Variants in ZC3H15 observed in about 807,000 individuals in gnomAD.
ZC3H15 encodes zinc finger CCCH-type containing 15, also known as zinc finger CCCH domain-containing protein 15.
In ZC3H15, 15 loss-of-function variants were observed where a neutral mutation model predicts 51.2. The ratio of observed to expected loss-of-function variants is 0.29; its 90% CI spans 0.20 to 0.45. The LOEUF (loss-of-function observed/expected upper bound fraction) is 0.45. ZC3H15 is among the 20% of genes least tolerant of loss of function. The probability of loss-of-function intolerance (pLI) is 1.00; values close to 1 mark genes in which losing one functional copy is unlikely to be tolerated. For synonymous variants in ZC3H15, 144 were observed against 162.8 expected (o/e 0.88, Z 0.88); for missense variants, 381 against 494.7 (o/e 0.77, Z 2.18).
chr2:186,492,845 T>G (rs1685222043), intron 1 of ZC3H15, among the ~76,000 whole-genome samples: 1 of 152,208 alleles, frequency 6.6e-6, no homozygotes, highest in Admixed American at 6.5e-5. Context: ...GGCCACTTGT[T>G]TCATACTAAA....
At chr2:186,500,026 A>G (rs936896512) in intron 2 of ZC3H15, among the ~76,000 whole-genome samples, 156 bp from the exon 3 acceptor site, 1 of 152,248 alleles carries the variant, frequency 6.6e-6, no homozygotes, top group Admixed American at 6.5e-5. Flanking sequence ...TAGTTTAACC[A>G]CAACATTGAA....
chr2:186,502,109 G>A (rs1017825705), intron 4 of ZC3H15, among the ~76,000 whole-genome samples: 1 of 152,050 alleles, frequency 6.6e-6, no homozygotes, highest in Non-Finnish European at 1.5e-5. Flanking sequence ...AGCACTTTGG[G>A]AGGCCAAGGC....
At chr2:186,500,352 A>G (rs1685360508) in intron 3 of ZC3H15, 59 bp downstream of exon 3, 7 of 1,310,500 alleles carry the variant, frequency 5.3e-6, no homozygotes, top group African/African-American at 4.5e-5. Context: ...GCTAAAAACT[A>G]TTTATTTTGA....
intron 8 of ZC3H15, 78 bp downstream of exon 8, chr2:186,505,919 C>A: frequency 6.9e-7 from 1 of 1,446,452 alleles, no homozygotes; most frequent in Non-Finnish European, 9.6e-7. Context: ...TGGTTAAGAG[C>A]CACCAACATC....
intron 1 of ZC3H15, among the ~76,000 whole-genome samples, chr2:186,492,999 A>G (rs1685223388): frequency 6.6e-6 from 1 of 152,160 alleles, no homozygotes; most frequent in Non-Finnish European, 1.5e-5. Flanking sequence ...GGACCTCAGC[A>G]TATGAAGATT....
At chr2:186,499,139 C>T (rs958853603) in intron 2 of ZC3H15, among the ~76,000 whole-genome samples, 3 of 152,200 alleles carry the variant, frequency 2.0e-5, no homozygotes, top group Non-Finnish European at 4.4e-5. Context: ...CTCCTTTTCT[C>T]CATCCTTACC....
rs763942392 is a variant in ZC3H15 at position 186,505,588 on chromosome 2, A to G, written c.855A>G (p.Lys285=). The G allele has an allele frequency of 3.1e-6, 5 of 1,604,854 alleles. No homozygotes were observed. The highest frequency in any genetic ancestry group is 4.2e-6 in the Non-Finnish European group (5 of 1,176,860). The change falls in exon 7 of 10, where the codon AAA becomes AAG. Residue 285 remains lysine, a synonymous_variant. Coordinates refer to ENST00000337859, the MANE Select transcript of ZC3H15 (RefSeq NM_018471.3). ...ERRKADFKAG[K]ALVISGREVF... ...GGAAAGCTGACTTCAAAGCAGGGAAAGCACTAGTGGTATGTCTCAGGCTCA... is the reference window on the plus strand; with the variant it reads ...GGAAAGCTGACTTCAAAGCAGGGAAGGCACTAGTGGTATGTCTCAGGCTCA...
chr2:186,498,014 G>A (rs1685311181), intron 2 of ZC3H15, among the ~76,000 whole-genome samples: 1 of 152,106 alleles, frequency 6.6e-6, no homozygotes, highest in South Asian at 2.1e-4. Context: ...AAGCCAAGGG[G>A]ATGTACCCAC....
At chr2:186,508,374 A>C (rs1217112483) in intron 9 of ZC3H15, among the ~76,000 whole-genome samples, 169 bp from the exon 10 acceptor site, 1 of 152,242 alleles carries the variant, frequency 6.6e-6, no homozygotes, top group African/African-American at 2.4e-5. Flanking sequence ...TAATTGGCAC[A>C]GATAAGCTCA....
At chr2:186,492,756 T>G (rs1429247635) in intron 1 of ZC3H15, among the ~76,000 whole-genome samples, 1 of 152,224 alleles carries the variant, frequency 6.6e-6, no homozygotes, top group Non-Finnish European at 1.5e-5. Context: ...CGTGGTGGTA[T>G]TTTGTATCTA....
At chr2:186,502,288 G>T (rs1050399427) in intron 4 of ZC3H15, among the ~76,000 whole-genome samples, 1 of 151,992 alleles carries the variant, frequency 6.6e-6, no homozygotes, top group Non-Finnish European at 1.5e-5. Context: ...GTCAATCAAG[G>T]CTGATTGAGG....
intron 6 of ZC3H15, chr2:186,505,082 T>G (rs116010141): frequency 0.03 from 4,644 of 153,232 alleles, 108 homozygotes; most frequent in Non-Finnish European, 0.05. Context: ...GTTTGTTTGT[T>G]TGTTTAGTTT....
chr2:186,506,960 C>A, intron 9 of ZC3H15, 124 bp downstream of exon 9: 1 of 1,088,892 alleles, frequency 9.2e-7, no homozygotes, highest in Non-Finnish European at 1.3e-6. Context: ...GTGGTTTGAC[C>A]ATAAATAAAA....
At position 186,505,549 on chromosome 2, in the gene ZC3H15, A is replaced by C. The variant is rs544897184; in HGVS notation, c.816A>C (p.Gln272His). The change falls in exon 7 of 10, where the codon CAA (glutamine) becomes CAC (histidine). Residue 272 changes from glutamine (Q) to histidine (H), a missense_variant. Coordinates refer to ENST00000337859, the MANE Select transcript of ZC3H15 (RefSeq NM_018471.3). ...KRQEKIDKLE[Q>H]DMERRKADFK... Reference sequence around the variant, plus strand: ...AAGAAAAGATTGATAAACTTGAACAAGATATGGAAAGAAGGAAAGCTGACT... The same window carrying C: ...AAGAAAAGATTGATAAACTTGAACACGATATGGAAAGAAGGAAAGCTGACT... 2.9e-5 allele frequency: 47 copies of C among 1,609,058 alleles called. No homozygotes were observed. The South Asian group carries it at 5.2e-4, about 18-fold the overall frequency.
chr2:186,496,509 G>C (rs1685284970), intron 2 of ZC3H15, among the ~76,000 whole-genome samples: 1 of 152,172 alleles, frequency 6.6e-6, no homozygotes, highest in African/African-American at 2.4e-5. Flanking sequence ...GACTAAGTTT[G>C]TTTTCTTTTA....
intron 2 of ZC3H15, among the ~76,000 whole-genome samples, chr2:186,496,569 A>T (rs896232672): frequency 6.6e-6 from 1 of 152,214 alleles, no homozygotes; most frequent in Non-Finnish European, 1.5e-5. Flanking sequence ...AAATACCACT[A>T]TTATCCTACA....
At chr2:186,501,716 CT>C (rs35795138) in intron 4 of ZC3H15, among the ~76,000 whole-genome samples, 75 of 146,290 alleles carry the variant, frequency 5.1e-4, no homozygotes, top group Middle Eastern at 3.5e-3. Flanking sequence ...GAATAATTTT[CT>C]TTTTTTTTTT....
At position 186,500,168 on chromosome 2, in the gene ZC3H15, T is replaced by C; in HGVS notation, c.178-14T>C. The C allele has an allele frequency of 6.3e-7, 1 of 1,583,790 alleles. No homozygotes were observed. The highest frequency in any genetic ancestry group is 8.5e-7 in the Non-Finnish European group (1 of 1,171,456). The stretch of plus-strand genomic sequence containing the variant: ...AACAATCAAATTTACATTTTAAACC[T>C]GGGAATATTATAGGTAGCACAGAGT... On this transcript the variant is annotated splice_polypyrimidine_tract_variant and intron_variant, in intron 2 of 9. Coordinates refer to ENST00000337859, the MANE Select transcript of ZC3H15 (RefSeq NM_018471.3).
In ZC3H15 at chr2:186,486,431, CA is replaced by C. The variant is rs1196917913; in HGVS notation, c.56del (p.Lys19ArgfsTer13). 3.8e-6 allele frequency: 6 copies of C among 1,568,402 alleles called. No individual in the cohort carries two copies. The highest frequency in any genetic ancestry group is 3.5e-6 in the Non-Finnish European group (4 of 1,155,210). ...GGCCGGGGGCAGCAAAAAGGCGGAGCAAAAAAAGAAGGAGAAGATTATCGAA... is the reference window on the plus strand; with the variant it reads ...GGCCGGGGGCAGCAAAAAGGCGGAGCAAAAAAGAAGGAGAAGATTATCGAA... ...AQAGGSKKAEQKKKEKIIEDK... is the reference protein window; with the variant it reads ...AQAGGSKKAEXKKKEKIIEDK... On this transcript the variant is annotated frameshift_variant, in exon 1 of 10. Transcript: ENST00000337859. LOFTEE classifies it high-confidence loss of function.
Sources: gnomAD v4.1 joint callset for allele counts (sites outside exome capture counted in the v4.1 genomes callset) on GRCh38, gnomAD v4.1.1 for gene constraint, MANE v1.5 for transcripts, NCBI Gene and HGNC (gene_info 2026-07-23, HGNC 2026-07-21) for gene names.